The following CFAP77 variants were observed in gnomAD, a reference collection of about 807,000 sequenced individuals.
The protein encoded by CFAP77 is cilia and flagella associated protein 77, also known as cilia- and flagella-associated protein 77.
Under a neutral mutation model 31.1 loss-of-function variants are expected in CFAP77, and 25 were observed. That is an observed-to-expected ratio of 0.80 (90% CI 0.59 to 1.12). The LOEUF (loss-of-function observed/expected upper bound fraction) is 1.12, where lower values mean the gene tolerates loss of function less well. Ranked by LOEUF, CFAP77 falls within the 50% of genes most tolerant of loss-of-function variation. The probability of loss-of-function intolerance (pLI) is 0.00; values close to 1 mark genes in which losing one functional copy is unlikely to be tolerated. For missense variants in CFAP77, 377 were observed against 397.3 expected (o/e 0.95, Z 0.44); for synonymous variants, 151 against 159.9 (o/e 0.94, Z 0.42).
chr9:132,503,250 T>C (rs1365960683), intron 3 of CFAP77, among the ~76,000 whole-genome samples: 1 of 152,228 alleles, frequency 6.6e-6, no homozygotes. Context: ...CCAGCTCCTC[T>C]TCTCAGCTCC....
Position 132,572,647 on chromosome 9 carries a change from G to A in CFAP77, c.*137G>A, listed in dbSNP as rs112464278. On this transcript the variant is annotated 3_prime_UTR_variant, in exon 6 of 6. Transcript: ENST00000393216. ...TCAAGGAGCTCAGATTCAAGTCTTA[G>A]GCTAATTGTTTTTGGTAAAAGTCCC... 1,347 of 906,702 alleles carry A rather than the reference G, an allele frequency of 1.5e-3. 2 individuals are homozygous for A. The highest frequency in any genetic ancestry group is 2.0e-3 in the Non-Finnish European group (1,250 of 619,880). 56.2% of individuals were successfully genotyped at this position (906,702 alleles called of 1,614,324 possible).
Position 132,518,631 on chromosome 9 carries a change from G to A in CFAP77, c.525-18970G>A, listed in dbSNP as rs530224643. 9.9e-5 allele frequency among the ~76,000 whole-genome samples: 15 copies of A among 152,270 alleles called. No homozygotes were observed. In the South Asian group the frequency reaches 1.2e-3, roughly 13 times the overall value. On this transcript the variant is annotated intron_variant, in intron 3 of 5. Coordinates refer to ENST00000393216, the MANE Select transcript of CFAP77 (RefSeq NM_001282957.2). ...GTTAGGATGGGAGGCATTTGGAATC[G>A]CTCTTATTCTTCAGGGTGGATCAGG...
At chr9:132,463,755 G>C (rs949433063) in intron 1 of CFAP77, among the ~76,000 whole-genome samples, 5 of 152,228 alleles carry the variant, frequency 3.3e-5, no homozygotes, top group Admixed American at 6.5e-5. Flanking sequence ...TCAGAAGCAG[G>C]CCTGAGCCTG....
In CFAP77 at chr9:132,498,751, T is replaced by C. The variant is rs2118960432; in HGVS notation, c.252T>C (p.Asn84=). ...ACAGTCTGCCCGGCATTAATTTTAA[T>C]TATGGACTCTACATCCGAGGGCTTG... ...RSYSLPGINF[N]YGLYIRGLDG... is the part of the protein sequence containing the mutation. Residue 84 remains asparagine (N), a synonymous_variant, in exon 2 of 6, where the codon AAT becomes AAC. Transcript: ENST00000393216. This position sits in a 1 kb window ranked among gnomAD's most constrained non-coding sequence, Gnocchi z 4.2. 1.2e-6 allele frequency: 2 copies of C among 1,612,450 alleles called. No individual in the cohort carries two copies. Among genetic ancestry groups the C allele is most frequent in the Middle Eastern group, 3.3e-4 (2 of 6,060 alleles).
chr9:132,509,593 A>C (rs1404098437), intron 3 of CFAP77, among the ~76,000 whole-genome samples: 1 of 151,848 alleles, frequency 6.6e-6, no homozygotes, highest in Non-Finnish European at 1.5e-5. Flanking sequence ...ACATGATGAA[A>C]CCTCATCTCT....
intron 4 of CFAP77, among the ~76,000 whole-genome samples, chr9:132,540,314 G>T (rs1852618919): frequency 1.3e-5 from 2 of 152,168 alleles, no homozygotes; most frequent in African/African-American, 4.8e-5. Context: ...CTAGGACAGA[G>T]TCCCTCCTTT....
chr9:132,463,781 C>T (rs1405135930), intron 1 of CFAP77, among the ~76,000 whole-genome samples: 6 of 152,210 alleles, frequency 3.9e-5, no homozygotes, highest in Non-Finnish European at 8.8e-5. Flanking sequence ...AACGGGGAGT[C>T]CAGGCCCAAG....
chr9:132,537,157 C>T (rs1852557090), intron 3 of CFAP77, among the ~76,000 whole-genome samples: 1 of 152,072 alleles, frequency 6.6e-6, no homozygotes, highest in Admixed American at 6.5e-5. Context: ...TAAGAGGAGA[C>T]ATCAAGGCAG....
At chr9:132,426,865 C>T (rs1443311119) in intron 1 of CFAP77, among the ~76,000 whole-genome samples, 1 of 152,182 alleles carries the variant, frequency 6.6e-6, no homozygotes, top group Non-Finnish European at 1.5e-5. Context: ...TGTCGAGCAG[C>T]CTGCATTACA....
intron 1 of CFAP77, among the ~76,000 whole-genome samples, chr9:132,417,061 A>G (rs1243458848): frequency 6.6e-6 from 1 of 151,916 alleles, no homozygotes; most frequent in Admixed American, 6.6e-5. Context: ...AGACCACAGT[A>G]TAAATGAGGA....
chr9:132,499,311 C>A lies in CFAP77; in HGVS notation c.296-61C>A. 1.3e-6 allele frequency: 2 copies of A among 1,481,638 alleles called. No homozygotes were observed. The highest frequency in any genetic ancestry group is 1.2e-5 in the South Asian group (1 of 85,668). 91.8% of individuals were successfully genotyped at this position (1,481,638 alleles called of 1,614,324 possible). ...CGTGCCCCCATTTCTTCTCGATCAG[C>A]TGCCTCAGGGTGCTTACTCCCAGGC... On this transcript the variant is annotated intron_variant, in intron 2 of 5. Transcript: ENST00000393216. The surrounding 1 kb of genome is among the most constrained non-coding windows in gnomAD (Gnocchi z 5.4).
At chr9:132,440,894 A>G (rs1850604402) in intron 1 of CFAP77, among the ~76,000 whole-genome samples, 2 of 152,150 alleles carry the variant, frequency 1.3e-5, no homozygotes, top group African/African-American at 4.8e-5. Flanking sequence ...TGGAGTCTGG[A>G]CCATTCCTCT....
At chr9:132,489,575 G>A (rs569624092) in intron 1 of CFAP77, among the ~76,000 whole-genome samples, 88 of 152,218 alleles carry the variant, frequency 5.8e-4, no homozygotes, top group Non-Finnish European at 1.1e-3. Flanking sequence ...AGGACATCCT[G>A]TGTGCCCTGC....
intron 1 of CFAP77, among the ~76,000 whole-genome samples, chr9:132,486,090 A>ATATATTTT (rs1281539306): frequency 1.3e-4 from 2 of 15,356 alleles, no homozygotes; most frequent in African/African-American, 8.6e-4. Context: ...ATATATATAT[A>ATATATTTT]TTTTTTTTTT....
intron 1 of CFAP77, chr9:132,482,235 T>C (rs1053212104): frequency 1.1e-5 from 10 of 876,552 alleles, no homozygotes; most frequent in Non-Finnish European, 1.8e-5. Context: ...ATCTGCTCAC[T>C]CAGGGTCTGC....
At chr9:132,438,541 A>ATATATATATATTT in intron 1 of CFAP77, among the ~76,000 whole-genome samples, 14 of 108,152 alleles carry the variant, frequency 1.3e-4, no homozygotes, top group African/African-American at 5.7e-4. Context: ...ATATATATAT[A>ATATATATATATTT]TTTTTTTTTT....
intron 5 of CFAP77, among the ~76,000 whole-genome samples, chr9:132,562,176 A>C (rs925811507): frequency 1.3e-5 from 2 of 152,232 alleles, no homozygotes; most frequent in African/African-American, 4.8e-5. Context: ...CTCATAAAAC[A>C]GTTATCCTTT....
intron 5 of CFAP77, among the ~76,000 whole-genome samples, chr9:132,549,176 A>G (rs942055832): frequency 4.6e-5 from 7 of 152,156 alleles, no homozygotes; most frequent in African/African-American, 1.7e-4. Flanking sequence ...GCGGGCTTCT[A>G]GCCTGTCCAC....
At chr9:132,558,397 A>G (rs1435943663) in intron 5 of CFAP77, among the ~76,000 whole-genome samples, 1 of 152,208 alleles carries the variant, frequency 6.6e-6, no homozygotes, top group Non-Finnish European at 1.5e-5. Context: ...TGAATATATA[A>G]ATTACTCTTA....
Sources: allele counts gnomAD v4.1 joint callset (sites outside exome capture counted in the v4.1 genomes callset), GRCh38; gene constraint gnomAD v4.1.1; non-coding constraint Gnocchi (gnomAD v3.1); transcripts MANE v1.5; gene names NCBI Gene and HGNC (gene_info 2026-07-23, HGNC 2026-07-21).